DLGAP1: variants seen among roughly 807,000 people sequenced by gnomAD.
DLGAP1 encodes the protein DLG associated protein 1.
Under a neutral mutation model 90.8 loss-of-function variants are expected in DLGAP1, and 11 were observed. That is an observed-to-expected ratio of 0.12 (90% CI 0.08 to 0.20). The LOEUF (loss-of-function observed/expected upper bound fraction) is 0.20. DLGAP1 is among the 10% of genes least tolerant of loss of function. The pLI is 1.00. For synonymous variants in DLGAP1, 558 were observed against 540.7 expected (o/e 1.03, Z -0.44); for missense variants, 1,050 against 1,333.8 (o/e 0.79, Z 3.31).
chr18:4,190,021 C>G (rs4798199), intron 1 of DLGAP1, among the ~76,000 whole-genome samples: 70,497 of 151,860 alleles, frequency 0.46, 18,203 homozygotes, highest in East Asian at 0.71. Context: ...CTTGTGATAA[C>G]ATACAGCAAT....
intron 9 of DLGAP1, among the ~76,000 whole-genome samples, chr18:3,563,428 T>A (rs1254319107): frequency 6.6e-6 from 1 of 152,000 alleles, no homozygotes; most frequent in African/African-American, 2.4e-5. Context: ...GTTGTAGCTG[T>A]CTCACTGTTC....
chr18:4,156,193 T>G (rs1240886687), intron 1 of DLGAP1, among the ~76,000 whole-genome samples: 1 of 152,158 alleles, frequency 6.6e-6, no homozygotes, highest in African/African-American at 2.4e-5. Flanking sequence ...GCCATATTGA[T>G]TGAATTATCA....
chr18:3,881,826 TGG>T, intron 3 of DLGAP1, among the ~76,000 whole-genome samples: 1 of 152,014 alleles, frequency 6.6e-6, no homozygotes, highest in Non-Finnish European at 1.5e-5. Flanking sequence ...GGCAGGAGAA[TGG>T]CATAAACCCG....
intron 9 of DLGAP1, among the ~76,000 whole-genome samples, chr18:3,561,897 G>A (rs982834228): frequency 1.3e-5 from 2 of 150,806 alleles, no homozygotes; most frequent in African/African-American, 5.0e-5. Context: ...CACAATCATG[G>A]CATAAGGTGA....
At chr18:3,743,579 C>T (rs1211256082) in intron 5 of DLGAP1, among the ~76,000 whole-genome samples, 1 of 152,042 alleles carries the variant, frequency 6.6e-6, no homozygotes, top group African/African-American at 2.4e-5. Context: ...TGGTCTCGAT[C>T]TCCTGACCTC....
intron 4 of DLGAP1, among the ~76,000 whole-genome samples, chr18:3,818,195 G>T (rs1243874748): frequency 2.0e-5 from 3 of 152,146 alleles, no homozygotes; most frequent in African/African-American, 7.2e-5. Flanking sequence ...ACAAAATGAG[G>T]ATTAGTGTGC....
At chr18:3,573,962 A>C (rs2054957798) in intron 8 of DLGAP1, among the ~76,000 whole-genome samples, 10 of 152,194 alleles carry the variant, frequency 6.6e-5, no homozygotes, top group Admixed American at 6.5e-4. Flanking sequence ...TTAGCTTCCC[A>C]AAGTGCTGGG....
At chr18:3,787,814 C>T (rs1238232372) in intron 5 of DLGAP1, among the ~76,000 whole-genome samples, 1 of 152,044 alleles carries the variant, frequency 6.6e-6, no homozygotes, top group South Asian at 2.1e-4. Context: ...GTCTCTCTGA[C>T]CCCCCGCCCC....
intron 5 of DLGAP1, among the ~76,000 whole-genome samples, chr18:3,791,259 A>C (rs2065720482): frequency 6.6e-6 from 1 of 152,250 alleles, no homozygotes; most frequent in Admixed American, 6.5e-5. Context: ...GCAAGGCATG[A>C]TGATAATTAC....
intron 5 of DLGAP1, among the ~76,000 whole-genome samples, chr18:3,747,310 C>T (rs921807739): frequency 3.3e-4 from 51 of 152,258 alleles, no homozygotes; most frequent in African/African-American, 1.1e-3. Flanking sequence ...GTGTTACGTG[C>T]TATTATGGTG....
intron 2 of DLGAP1, among the ~76,000 whole-genome samples, chr18:4,135,148 T>TTTATCAC: frequency 6.6e-6 from 1 of 152,154 alleles, no homozygotes; most frequent in South Asian, 2.1e-4. Context: ...TCAAGAAATG[T>TTTATCAC]ATTCAAGTTT....
At chr18:4,230,129 T>C (rs986532338) in intron 1 of DLGAP1, among the ~76,000 whole-genome samples, 6 of 151,942 alleles carry the variant, frequency 3.9e-5, no homozygotes, top group Non-Finnish European at 5.9e-5. Flanking sequence ...AGACAGACAA[T>C]AACAAATGCA....
At chr18:4,372,010 A>G (rs189509684) in intron 1 of DLGAP1, among the ~76,000 whole-genome samples, 1 of 152,248 alleles carries the variant, frequency 6.6e-6, no homozygotes, top group Non-Finnish European at 1.5e-5. Flanking sequence ...CTTCCTTTAA[A>G]TTACACTACA....
intron 3 of DLGAP1, chr18:3,897,042 C>T (rs946898539): frequency 5.3e-5 from 8 of 152,182 alleles, no homozygotes; most frequent in Admixed American, 1.3e-4. Flanking sequence ...TTCATCAAAC[C>T]GAAGAATAAA....
intron 2 of DLGAP1, among the ~76,000 whole-genome samples, chr18:4,100,262 C>T (rs531421709): frequency 6.6e-6 from 1 of 152,274 alleles, no homozygotes; most frequent in African/African-American, 2.4e-5. Flanking sequence ...ATTGTGTTAA[C>T]AGGCATGAAA....
intron 1 of DLGAP1, among the ~76,000 whole-genome samples, chr18:4,447,636 C>T (rs973880936): frequency 6.6e-6 from 1 of 151,434 alleles, no homozygotes; most frequent in African/African-American, 2.4e-5. Context: ...TTTTGGTGTT[C>T]CTGAAATATT....
At chr18:4,429,184 ATTCTC>A (rs2083224561) in intron 1 of DLGAP1, among the ~76,000 whole-genome samples, 1 of 152,222 alleles carries the variant, frequency 6.6e-6, no homozygotes, top group South Asian at 2.1e-4. Flanking sequence ...CTTTCACTCT[ATTCTC>A]TTCCAGGATG....
intron 3 of DLGAP1, among the ~76,000 whole-genome samples, chr18:3,934,154 G>A (rs2072582804): frequency 6.6e-6 from 1 of 152,174 alleles, no homozygotes; most frequent in South Asian, 2.1e-4. Context: ...TAGTGACAAA[G>A]TACAGCCTTT....
At chr18:3,549,725 T>C (rs1344528762) in intron 9 of DLGAP1, among the ~76,000 whole-genome samples, 2 of 152,164 alleles carry the variant, frequency 1.3e-5, no homozygotes, top group South Asian at 4.1e-4. Flanking sequence ...TGGATAACTA[T>C]ATTCAGAACT....
Sources: gnomAD v4.1 joint callset for allele counts (sites outside exome capture counted in the v4.1 genomes callset) on GRCh38, gnomAD v4.1.1 for gene constraint, MANE v1.5 for transcripts, NCBI Gene and HGNC (gene_info 2026-07-23, HGNC 2026-07-21) for gene names.